CYP2F1: variants seen among roughly 807,000 people sequenced by gnomAD.
The protein encoded by CYP2F1 is cytochrome P450 2F1.
Under a neutral mutation model 40.4 loss-of-function variants are expected in CYP2F1, and 33 were observed. The observed-to-expected ratio is 0.82, with a 90% confidence interval of 0.62 to 1.09. The LOEUF (loss-of-function observed/expected upper bound fraction) is 1.09, where lower values mean the gene tolerates loss of function less well. CYP2F1 is among the 50% of genes least tolerant of loss of function. The pLI, the probability that CYP2F1 is intolerant of heterozygous loss-of-function variation, is 0.00. For missense variants in CYP2F1, 566 were observed against 655.7 expected (o/e 0.86, Z 1.49); for synonymous variants, 235 against 277.2 (o/e 0.85, Z 1.51).
At chr19:41,119,469 C>G (rs1350316932) in intron 3 of CYP2F1, among the ~76,000 whole-genome samples, 1 of 151,748 alleles carries the variant, frequency 6.6e-6, no homozygotes, top group Non-Finnish European at 1.5e-5. Context: ...AAAAATTAGG[C>G]CAGGCGCAGT....
Position 41,128,173 on chromosome 19 carries a change from C to A in CYP2F1, c.*91C>A. 7.7e-7 allele frequency: 1 copy of A among 1,302,990 alleles called. No homozygotes were observed. The highest frequency in any genetic ancestry group is 1.0e-6 in the Non-Finnish European group (1 of 962,840). 80.7% of individuals were successfully genotyped at this position (1,302,990 alleles called of 1,614,324 possible). ...TTCTTGGTCCACAGTCTGCCCTCAT[C>A]CCTCTGGCAGTCACGCTGTCTTCCC... On this transcript the variant is annotated 3_prime_UTR_variant, in exon 10 of 10. Coordinates refer to ENST00000331105, the MANE Select transcript of CYP2F1 (RefSeq NM_000774.5).
intron 3 of CYP2F1, among the ~76,000 whole-genome samples, chr19:41,119,874 G>C (rs2032082955): frequency 6.6e-6 from 1 of 151,184 alleles, no homozygotes; most frequent in Non-Finnish European, 1.5e-5. Flanking sequence ...CCGGGAGGCG[G>C]AGGGTGCAGC....
At chr19:41,124,145 C>G (rs534760074) in intron 7 of CYP2F1, among the ~76,000 whole-genome samples, 1 of 151,940 alleles carries the variant, frequency 6.6e-6, no homozygotes, top group African/African-American at 2.4e-5. Flanking sequence ...GAAGCCCTGC[C>G]CACACAACCC....
In CYP2F1 at chr19:41,120,502, G is replaced by T; in HGVS notation, c.484+6G>T. The T allele has an allele frequency of 6.2e-7, 1 of 1,611,414 alleles. No homozygotes were observed. ...GGAGCTGCGGAAAACTGAAGGTCAG[G>T]AATTTTTTTTAACAGGCTGGATGGC... On this transcript the variant is annotated splice_donor_region_variant and intron_variant, in intron 4 of 9. Transcript: ENST00000331105.
chr19:41,125,667 A>G (rs767593438), intron 9 of CYP2F1, 33 bp downstream of exon 9: 1 of 1,613,682 alleles, frequency 6.2e-7, no homozygotes, highest in Non-Finnish European at 8.5e-7. Flanking sequence ...TTCTGGCCCA[A>G]TTTCTACCTA....
At chr19:41,126,727 T>C (rs1274577906) in intron 9 of CYP2F1, among the ~76,000 whole-genome samples, 2 of 152,040 alleles carry the variant, frequency 1.3e-5, no homozygotes, top group Admixed American at 6.6e-5. Flanking sequence ...CACTCCAGTC[T>C]GGGCAACAGA....
intron 3 of CYP2F1, among the ~76,000 whole-genome samples, chr19:41,119,748 T>TATATATATACACACAC (rs1337166345): frequency 1.4e-4 from 5 of 36,098 alleles, no homozygotes; most frequent in Non-Finnish European, 2.4e-4. Flanking sequence ...TATATATATA[T>TATATATATACACACAC]ACACACACAC....
At position 41,121,588 on chromosome 19, in the gene CYP2F1, C is replaced by A. The variant is rs771207111; in HGVS notation, c.615C>A (p.Asn205Lys). ...CCATTATCCGCCTTATCAATGACAA[C>A]TTCCAAATCATGAGCAGCCCCTGGG... Reference protein sequence around the residue: ...LLTIIRLINDNFQIMSSPWGE... With the variant: ...LLTIIRLINDKFQIMSSPWGE... Residue 205 changes from asparagine (N) to lysine (K), a missense_variant, in exon 5 of 10, where the codon AAC becomes AAA. This residue lies in a region of CYP2F1 where 264 missense variants were observed against 275.7 expected (regional missense o/e 0.96). Transcript: ENST00000331105. The A allele has an allele frequency of 6.2e-7, 1 of 1,610,332 alleles. No individual in the cohort carries two copies. The highest frequency in any genetic ancestry group is 8.5e-7 in the Non-Finnish European group (1 of 1,179,780).
At chr19:41,119,748 T>TATATATATATATATACAC (rs1337166345) in intron 3 of CYP2F1, among the ~76,000 whole-genome samples, 24 of 36,092 alleles carry the variant, frequency 6.6e-4, no homozygotes, top group East Asian at 2.5e-3. Context: ...TATATATATA[T>TATATATATATATATACAC]ACACACACAC....
intron 5 of CYP2F1, among the ~76,000 whole-genome samples, 156 bp from the exon 6 acceptor site, chr19:41,121,801 T>C (rs149169233): frequency 0.024 from 3,095 of 129,348 alleles, 133 homozygotes; most frequent in African/African-American, 0.095. Context: ...ATGGCCGCCA[T>C]TGCCTCCTTC....
rs959848246 is a variant in CYP2F1 at position 41,121,448 on chromosome 19, T to C, written c.485-10T>C. The C allele has an allele frequency of 5.6e-6, 9 of 1,607,756 alleles. No individual in the cohort carries two copies. The African/African-American group carries it at 1.1e-4, about 20-fold the overall frequency. On this transcript the variant is annotated splice_polypyrimidine_tract_variant and intron_variant, in intron 4 of 9. Transcript: ENST00000331105. ...GCGTCTTCCTGATCCATTGCACTCC[T>C]TACCCTCAGGCGAGCCCTTTGACCC...
In CYP2F1 at chr19:41,128,077, C is replaced by T. The variant is rs1222512003; in HGVS notation, c.1471C>T (p.Arg491Cys). The T allele has an allele frequency of 8.1e-6, 13 of 1,602,762 alleles. No homozygotes were observed. The highest frequency in any genetic ancestry group is 3.4e-5 in the Admixed American group (2 of 59,694). ...GCCTTTCCAGCTGTGCCTGCGCCCGCGCTAACGCCCCGGCCCTTCCAGATT... is the reference window on the plus strand; with the variant it reads ...GCCTTTCCAGCTGTGCCTGCGCCCGTGCTAACGCCCCGGCCCTTCCAGATT... ...PRPFQLCLRP[R>C] Residue 491 changes from arginine to cysteine, a missense_variant, in exon 10 of 10, where the codon CGC becomes TGC. By Grantham distance (180) the Arg-to-Cys change is radical (BLOSUM62 -3). Transcript: ENST00000331105.
In CYP2F1 at chr19:41,122,131, G is replaced by A. The variant is rs748493830; in HGVS notation, c.820G>A (p.Glu274Lys). The change falls in exon 6 of 10, where the codon GAG (glutamate) becomes AAG (lysine). Residue 274 changes from glutamate to lysine, a missense_variant and splice_region_variant. Glu to Lys is a moderately conservative substitution (Grantham distance 56). Coordinates refer to ENST00000331105, the MANE Select transcript of CYP2F1 (RefSeq NM_000774.5). ...FIQCFLTKMA[E>K]EKEDPLSHFH... Reference sequence around the variant, plus strand: ...CCAGTGCTTCCTCACCAAGATGGCAGAGGTAATCCCTACCTGGAAATCCCA... The same window carrying A: ...CCAGTGCTTCCTCACCAAGATGGCAAAGGTAATCCCTACCTGGAAATCCCA... The A allele has an allele frequency of 2.0e-6, 3 of 1,530,820 alleles. No homozygotes were observed. Among genetic ancestry groups the A allele is most frequent in the Non-Finnish European group, 2.7e-6 (3 of 1,115,644 alleles). 94.8% of individuals were successfully genotyped at this position (1,530,820 alleles called of 1,614,324 possible). A position where few individuals can be genotyped will look rare whatever the true frequency, so the allele number is the denominator to read the frequency against.
chr19:41,127,163 A>G (rs555673504), intron 9 of CYP2F1, among the ~76,000 whole-genome samples: 3 of 152,212 alleles, frequency 2.0e-5, no homozygotes, highest in Admixed American at 6.6e-5. Context: ...CTGTGCCTCA[A>G]TGTCCACATC....
intron 1 of CYP2F1, 40 bp from the exon 2 acceptor site, chr19:41,116,138 A>C (rs753202967): frequency 1.3e-6 from 2 of 1,488,538 alleles, no homozygotes; most frequent in Admixed American, 4.0e-5. Context: ...AGGAGGGATC[A>C]GCGATGTCCT....
chr19:41,116,121 G>C, intron 1 of CYP2F1, 57 bp from the exon 2 acceptor site: 1 of 1,512,202 alleles, frequency 6.6e-7, no homozygotes, highest in Non-Finnish European at 9.0e-7. Flanking sequence ...TCCCAGGGGA[G>C]ATGGAAAGGA....
intron 4 of CYP2F1, among the ~76,000 whole-genome samples, chr19:41,121,144 TC>T (rs1411402906): frequency 6.6e-6 from 1 of 152,064 alleles, no homozygotes; most frequent in Non-Finnish European, 1.5e-5. Flanking sequence ...GTTGTTGTGT[TC>T]CGTGATGCCT....
intron 3 of CYP2F1, among the ~76,000 whole-genome samples, chr19:41,119,723 CTATA>C (rs1290627675): frequency 5.3e-4 from 19 of 35,824 alleles, no homozygotes; most frequent in East Asian, 1.1e-3. Flanking sequence ...CTCTCTCTCT[CTATA>C]TATATATATA....
chr19:41,122,515 T>C (rs111543376), intron 6 of CYP2F1, among the ~76,000 whole-genome samples: 47 of 151,296 alleles, frequency 3.1e-4, no homozygotes, highest in African/African-American at 6.1e-4. Flanking sequence ...CATACATACA[T>C]ACACACACAC....
Sources: allele counts gnomAD v4.1 joint callset (sites outside exome capture counted in the v4.1 genomes callset), GRCh38; gene constraint gnomAD v4.1.1; regional missense constraint gnomAD v4.1.1; transcripts MANE v1.5; gene names NCBI Gene and HGNC (gene_info 2026-07-23, HGNC 2026-07-21).